The following SMCO2 variants were observed in gnomAD, a reference collection of about 807,000 sequenced individuals.
SMCO2 encodes the protein single-pass membrane protein with coiled-coil domains 2, also known as single-pass membrane and coiled-coil domain-containing protein 2.
SMCO2 carries 25 observed loss-of-function variants against 29.5 expected under a neutral mutation model. The ratio of observed to expected loss-of-function variants is 0.85; its 90% CI spans 0.62 to 1.18. The LOEUF (loss-of-function observed/expected upper bound fraction) is 1.18, where lower values mean the gene tolerates loss of function less well. SMCO2 is among the 50% of genes most tolerant of loss of function. The pLI is 0.00. For synonymous variants in SMCO2, 117 were observed against 123.3 expected (o/e 0.95, Z 0.34); for missense variants, 348 against 344.5 (o/e 1.01, Z -0.08).
the SMCO2 span, among the ~76,000 whole-genome samples, chr12:27,444,777 G>C: frequency 1.3e-5 from 2 of 152,154 alleles, no homozygotes; most frequent in South Asian, 2.1e-4. Flanking sequence ...GAATAGTATG[G>C]AGGCTGCTCA....
the SMCO2 span, among the ~76,000 whole-genome samples, chr12:27,438,966 A>G: frequency 6.6e-6 from 1 of 152,286 alleles, no homozygotes; most frequent in East Asian, 1.9e-4. Context: ...CAAGACATGA[A>G]CCACATGGAA....
intron 4 of SMCO2, among the ~76,000 whole-genome samples, chr12:27,480,503 C>T (rs1949632941): frequency 6.6e-6 from 1 of 152,128 alleles, no homozygotes. Flanking sequence ...ACTTGGCACT[C>T]ATATGGTTTG....
the SMCO2 span, among the ~76,000 whole-genome samples, chr12:27,426,565 TTGTC>T: frequency 6.6e-6 from 1 of 152,228 alleles, no homozygotes; most frequent in Non-Finnish European, 1.5e-5. Flanking sequence ...TGCTTACACA[TTGTC>T]TGACAGTAAT....
chr12:27,478,915 G>T (rs1251129194), intron 4 of SMCO2, among the ~76,000 whole-genome samples: 3 of 152,180 alleles, frequency 2.0e-5, no homozygotes, highest in African/African-American at 7.2e-5. Flanking sequence ...GATGGTGGCA[G>T]TGGCAGGGTG....
the SMCO2 span, among the ~76,000 whole-genome samples, chr12:27,428,434 C>A: frequency 4.6e-5 from 7 of 152,136 alleles, no homozygotes. Flanking sequence ...ATAATTTTTG[C>A]AAAGGCACTT....
At chr12:27,498,577 T>C (rs1042397918) in intron 7 of SMCO2, 5 of 236,378 alleles carry the variant, frequency 2.1e-5, no homozygotes, top group African/African-American at 4.8e-5. Flanking sequence ...GAATAAAACC[T>C]GTCCAAAGGA....
chr12:27,436,839 A>G, the SMCO2 span, among the ~76,000 whole-genome samples: 1 of 152,238 alleles, frequency 6.6e-6, no homozygotes, highest in African/African-American at 2.4e-5. Flanking sequence ...GTAAGGCTAC[A>G]TATATTTATG....
At chr12:27,474,016 C>G (rs1392012641) in intron 3 of SMCO2, among the ~76,000 whole-genome samples, 1 of 152,166 alleles carries the variant, frequency 6.6e-6, no homozygotes, top group Non-Finnish European at 1.5e-5. Flanking sequence ...CGTTTTCCCC[C>G]AAACTCTTTT....
At chr12:27,484,994 A>T (rs1949676898) in intron 4 of SMCO2, among the ~76,000 whole-genome samples, 1 of 150,772 alleles carries the variant, frequency 6.6e-6, no homozygotes, top group African/African-American at 2.4e-5. Context: ...TTTGTAGTTT[A>T]AATTTGGAAA....
At chr12:27,429,834 A>C in the SMCO2 span, among the ~76,000 whole-genome samples, 1 of 152,172 alleles carries the variant, frequency 6.6e-6, no homozygotes, top group East Asian at 1.9e-4. Flanking sequence ...AACAGTTTGC[A>C]TTCAGCATTC....
intron 7 of SMCO2, among the ~76,000 whole-genome samples, chr12:27,499,988 T>C (rs1037535467): frequency 1.3e-5 from 2 of 150,606 alleles, no homozygotes; most frequent in African/African-American, 2.5e-5. Context: ...TCAAAGGTTT[T>C]ACACGTGGCA....
chr12:27,437,863 G>A, the SMCO2 span, among the ~76,000 whole-genome samples: 1 of 152,126 alleles, frequency 6.6e-6, no homozygotes, highest in Non-Finnish European at 1.5e-5. Flanking sequence ...TCCCTCTTTT[G>A]TATCTTCAAC....
the SMCO2 span, among the ~76,000 whole-genome samples, chr12:27,444,148 A>G: frequency 6.6e-6 from 1 of 152,218 alleles, no homozygotes; most frequent in Non-Finnish European, 1.5e-5. Context: ...AAACAGACAC[A>G]CATAGACCAA....
chr12:27,451,695 CAT>C, the SMCO2 span, among the ~76,000 whole-genome samples: 5 of 152,216 alleles, frequency 3.3e-5, no homozygotes, highest in Non-Finnish European at 7.3e-5. Context: ...CCACTCTGCA[CAT>C]GTCTGCCTCA....
upstream of SMCO2, among the ~76,000 whole-genome samples, chr12:27,464,666 G>T (rs538081310): frequency 6.9e-6 from 1 of 145,318 alleles, no homozygotes; most frequent in Non-Finnish European, 1.5e-5. Flanking sequence ...GCAATGAGCA[G>T]TGATTGTGCC....
chr12:27,463,455 C>T (rs1486373333), upstream of SMCO2, among the ~76,000 whole-genome samples: 3 of 151,966 alleles, frequency 2.0e-5, no homozygotes, highest in South Asian at 2.1e-4. Flanking sequence ...TTAGTAGAGA[C>T]GGGGTTTCAC....
At position 27,470,897 on chromosome 12, in the gene SMCO2, A is replaced by G. The variant is rs957783893; in HGVS notation, c.134+132A>G. 5 of 1,075,316 alleles carry G rather than the reference A, an allele frequency of 4.6e-6. No homozygotes were observed. In the African/African-American group the frequency reaches 8.0e-5, roughly 17 times the overall value. 66.6% of individuals were successfully genotyped at this position (1,075,316 alleles called of 1,614,324 possible). On this transcript the variant is annotated intron_variant, in intron 2 of 7. Transcript: ENST00000298876. The stretch of plus-strand genomic sequence containing the variant: ...TGACAGTCTTCACTATAATTTATCT[A>G]ATTTTAATCTCATGAATATTTACTG...
the SMCO2 span, among the ~76,000 whole-genome samples, chr12:27,461,072 G>A: frequency 2.6e-5 from 4 of 152,102 alleles, no homozygotes; most frequent in East Asian, 5.8e-4. Flanking sequence ...GCATGTTCAC[G>A]TGCCTGATAT....
At chr12:27,481,911 C>G (rs1004051300) in intron 4 of SMCO2, among the ~76,000 whole-genome samples, 1 of 151,090 alleles carries the variant, frequency 6.6e-6, no homozygotes, top group African/African-American at 2.4e-5. Flanking sequence ...GGATAGAGAT[C>G]TATACATTTT....
Sources: allele counts gnomAD v4.1 joint callset (sites outside exome capture counted in the v4.1 genomes callset), GRCh38; gene constraint gnomAD v4.1.1; transcripts MANE v1.5; gene names NCBI Gene and HGNC (gene_info 2026-07-23, HGNC 2026-07-21).